FOCAD: variants seen among roughly 807,000 people sequenced by gnomAD.
The protein encoded by FOCAD is focadhesin, also known as KIAA1797.
FOCAD carries 198 observed loss-of-function variants against 225.6 expected under a neutral mutation model. That is an observed-to-expected ratio of 0.88 (90% CI 0.78 to 0.99). The LOEUF (loss-of-function observed/expected upper bound fraction) is 0.99. Ranked by LOEUF, FOCAD falls within the 50% of genes least tolerant of loss-of-function variation. The pLI is 0.00. For missense variants in FOCAD, 2,713 were observed against 2,123.6 expected (o/e 1.28, Z -5.46); for synonymous variants, 897 against 755.0 (o/e 1.19, Z -3.08).
Position 20,948,887 on chromosome 9 carries a change from G to A in FOCAD, c.3835G>A (p.Gly1279Ser). The change falls in exon 32 of 44, where the codon GGC (glycine) becomes AGC (serine). Residue 1279 changes from glycine to serine, a missense_variant. Gly to Ser is a moderately conservative substitution (Grantham distance 56). Transcript: ENST00000338382. ...AATGCTTTGTCTGGCAGCTCTTCAT[G>A]GCATGGTGGCCTTGGTAGGCTCTGA... Reference protein sequence around the residue: ...PTMLCLAALHGMVALVGSEGD... With the variant: ...PTMLCLAALHSMVALVGSEGD... 1 of 1,613,516 alleles carries A rather than the reference G, an allele frequency of 6.2e-7. No individual in the cohort carries two copies. Among genetic ancestry groups the A allele is most frequent in the Non-Finnish European group, 8.5e-7 (1 of 1,179,566 alleles).
Position 20,946,714 on chromosome 9 carries a change from C to T in FOCAD, c.3569C>T (p.Thr1190Ile), listed in dbSNP as rs1359434074. ...SRTFQEVLAYTLSCVCTSAFS... is the reference protein window; with the variant it reads ...SRTFQEVLAYILSCVCTSAFS... ...TTTTCTTCTCAGGTCCTTGCCTACA[C>T]ACTTAGCTGTGTATGTACATCAGCG... The change falls in exon 30 of 44, where the codon ACA becomes ATA. Residue 1190 changes from threonine (T) to isoleucine (I), a missense_variant. Transcript: ENST00000338382. 2 of 1,613,266 alleles carry T rather than the reference C, an allele frequency of 1.2e-6. No individual in the cohort carries two copies. Among genetic ancestry groups the T allele is most frequent in the Non-Finnish European group, 1.7e-6 (2 of 1,179,550 alleles).
chr9:20,736,900 A>G (rs541017842), intron 4 of FOCAD, among the ~76,000 whole-genome samples: 18 of 151,862 alleles, frequency 1.2e-4, no homozygotes, highest in Admixed American at 1.1e-3. Context: ...CTCTCAACCC[A>G]TTTGAAATAT....
chr9:20,750,884 G>C (rs1828477855), intron 5 of FOCAD, among the ~76,000 whole-genome samples: 1 of 152,054 alleles, frequency 6.6e-6, no homozygotes, highest in African/African-American at 2.4e-5. Flanking sequence ...AATACTTTTT[G>C]CCTTTACAGG....
rs1302940056 is a variant in FOCAD at position 20,948,321 on chromosome 9, G to T, written c.3726G>T (p.Val1242=). The T allele has an allele frequency of 6.2e-7, 1 of 1,612,216 alleles. No individual in the cohort carries two copies. Among genetic ancestry groups the T allele is most frequent in the African/African-American group, 1.3e-5 (1 of 74,784 alleles). ...GAAACATAGTTCATGGATTGTCTGT[G>T]TGTGGACATGGAAAAGCTGAAGACT... The part of the protein sequence containing the change: ...ALGNIVHGLS[V]CGHGKAEDLG... Residue 1242 remains valine (V), a synonymous_variant, in exon 31 of 44, where the codon GTG becomes GTT. Transcript: ENST00000338382.
intron 18 of FOCAD, among the ~76,000 whole-genome samples, chr9:20,870,410 G>A (rs1052847269): frequency 6.6e-6 from 1 of 152,160 alleles, no homozygotes; most frequent in African/African-American, 2.4e-5. Flanking sequence ...TGATTGAAAG[G>A]TTATCCGGCT....
chr9:20,833,539 G>T (rs1478689320), intron 15 of FOCAD, among the ~76,000 whole-genome samples: 1 of 152,058 alleles, frequency 6.6e-6, no homozygotes, highest in Non-Finnish European at 1.5e-5. Context: ...CGACCACTTG[G>T]TGCTAAGTAG....
intron 11 of FOCAD, among the ~76,000 whole-genome samples, chr9:20,805,675 C>T (rs1822356064): frequency 6.6e-6 from 1 of 151,946 alleles, no homozygotes. Flanking sequence ...CATATAAATT[C>T]TGTTAGATTT....
chr9:20,833,487 A>G (rs2131514812), intron 15 of FOCAD, among the ~76,000 whole-genome samples: 1 of 152,246 alleles, frequency 6.6e-6, no homozygotes, highest in South Asian at 2.1e-4. Context: ...TTGATAAGAC[A>G]GGAAGATCTC....
chr9:20,847,521 T>G (rs1827239465), intron 15 of FOCAD, among the ~76,000 whole-genome samples: 1 of 151,962 alleles, frequency 6.6e-6, no homozygotes. Flanking sequence ...CTGGTGTGTG[T>G]TTATGGATTG....
At chr9:20,826,934 T>C (rs1824955784) in intron 15 of FOCAD, among the ~76,000 whole-genome samples, 1 of 152,178 alleles carries the variant, frequency 6.6e-6, no homozygotes, top group African/African-American at 2.4e-5. Context: ...TCTCATCACT[T>C]TTTATCCCAG....
chr9:20,684,434 G>T (rs1467610824), intron 1 of FOCAD, 141 bp downstream of exon 1: 4 of 152,722 alleles, frequency 2.6e-5, no homozygotes, highest in African/African-American at 9.6e-5. Context: ...AGACGGGGCA[G>T]TGGAGCATGT....
intron 14 of FOCAD, among the ~76,000 whole-genome samples, chr9:20,821,658 C>T (rs1564031727): frequency 6.6e-6 from 1 of 151,946 alleles, no homozygotes; most frequent in African/African-American, 2.4e-5. Flanking sequence ...CAAGCTCTAC[C>T]ATATCCAAAT....
intron 2 of FOCAD, among the ~76,000 whole-genome samples, chr9:20,671,088 T>C (rs1439635890): frequency 6.6e-6 from 1 of 152,198 alleles, no homozygotes; most frequent in African/African-American, 2.4e-5. Flanking sequence ...TCTTCTGTAA[T>C]AAGACAATGA....
intron 14 of FOCAD, among the ~76,000 whole-genome samples, 164 bp downstream of exon 14, chr9:20,821,235 A>G (rs1824291967): frequency 6.6e-6 from 1 of 152,076 alleles, no homozygotes; most frequent in Admixed American, 6.6e-5. Context: ...ATATTGAACA[A>G]TAGCTTTGAG....
intron 6 of FOCAD, among the ~76,000 whole-genome samples, chr9:20,760,165 T>C (rs762091129): frequency 1.7e-4 from 26 of 152,336 alleles, no homozygotes; most frequent in Non-Finnish European, 3.5e-4. Flanking sequence ...GAGCAGATCT[T>C]ACAGTATCAT....
rs372149602 is a variant in FOCAD, at chr9:20,822,969, T to G, written c.1794-20T>G. On this transcript the variant is annotated intron_variant, in intron 14 of 43. Transcript: ENST00000338382. The stretch of plus-strand genomic sequence containing the variant: ...TGCACTTTAGCATTAATTTTGCTTT[T>G]AAACTTTCATTTCTTGTAGGCCATA... 30 of 1,563,010 alleles carry G rather than the reference T, an allele frequency of 1.9e-5. No individual in the cohort carries two copies. The highest frequency in any genetic ancestry group is 2.5e-5 in the Non-Finnish European group (29 of 1,160,860).
At chr9:20,742,687 A>G (rs1827731332) in intron 5 of FOCAD, among the ~76,000 whole-genome samples, 1 of 152,146 alleles carries the variant, frequency 6.6e-6, no homozygotes, top group Non-Finnish European at 1.5e-5. Flanking sequence ...TTTAATCCTG[A>G]TTGTCTTCAC....
intron 40 of FOCAD, 33 bp downstream of exon 40, chr9:20,986,498 G>A: frequency 6.5e-7 from 1 of 1,545,416 alleles, no homozygotes; most frequent in Non-Finnish European, 8.7e-7. Context: ...ATCAGAAACA[G>A]GAATAGATCT....
chr9:20,744,442 CA>C (rs1264275509), intron 5 of FOCAD, among the ~76,000 whole-genome samples: 1 of 152,134 alleles, frequency 6.6e-6, no homozygotes, highest in Non-Finnish European at 1.5e-5. Flanking sequence ...CAAGATTAGG[CA>C]TAGATATTTA....
Sources: allele counts gnomAD v4.1 joint callset (sites outside exome capture counted in the v4.1 genomes callset), GRCh38; gene constraint gnomAD v4.1.1; transcripts MANE v1.5; gene names NCBI Gene and HGNC (gene_info 2026-07-23, HGNC 2026-07-21).